The following CCL19 variants were observed in gnomAD, a reference collection of about 807,000 sequenced individuals.
CCL19 encodes the protein C-C motif chemokine ligand 19.
A neutral mutation model predicts 9.7 loss-of-function variants in CCL19; 5 were observed. The observed-to-expected ratio is 0.51, with a 90% confidence interval of 0.27 to 1.08. The LOEUF is 1.08. Among genes scored for constraint, CCL19 ranks in the 50% least tolerant of loss-of-function variants. The pLI is 0.12. For missense variants in CCL19, 90 were observed against 122.5 expected (o/e 0.73, Z 1.25); for synonymous variants, 40 against 47.4 (o/e 0.84, Z 0.64).
Position 34,689,606 on chromosome 9 carries a change from T to A in CCL19, c.*213A>T, listed in dbSNP as rs1177164506. The stretch of plus-strand genomic sequence containing the variant: ...CACCAGGCGGCTTTATTGGTAGCAT[T>A]GCAATCTGGGGGTGGAGCAGCTTTA... On this transcript the variant is annotated 3_prime_UTR_variant, in exon 4 of 4. Coordinates refer to ENST00000311925, the MANE Select transcript of CCL19 (RefSeq NM_006274.3). The surrounding 1 kb of genome is among the most constrained non-coding windows in gnomAD (Gnocchi z 4.1). 2 of 578,352 alleles carry A rather than the reference T, an allele frequency of 3.5e-6. No individual in the cohort carries two copies. Among genetic ancestry groups the A allele is most frequent in the East Asian group, 5.6e-5 (2 of 35,516 alleles). 35.8% of individuals were successfully genotyped at this position (578,352 alleles called of 1,614,324 possible). A position where few individuals can be genotyped will look rare whatever the true frequency, so the allele number is the denominator to read the frequency against.
At position 34,691,110 on chromosome 9, in the gene CCL19, C is replaced by T; in HGVS notation, c.30G>A (p.Leu10=). 6.2e-7 allele frequency: 1 copy of T among 1,612,662 alleles called. No homozygotes were observed. Among genetic ancestry groups the T allele is most frequent in the Non-Finnish European group, 8.5e-7 (1 of 1,179,432 alleles). The part of the protein sequence containing the change: MALLLALSL[L]VLWTSPAPTL... ...CCTTACCTGGGGAAGTCCAGAGAAC[C>T]AGCAGGCTGAGGGCCAGTAGCAGGG... The change falls in exon 1 of 4, where the codon CTG becomes CTA. Residue 10 remains leucine, a synonymous_variant. Coordinates refer to ENST00000311925, the MANE Select transcript of CCL19 (RefSeq NM_006274.3).
At position 34,690,042 on chromosome 9, in the gene CCL19, G is replaced by C. The variant is rs747025347; in HGVS notation, c.183-19C>G. The C allele has an allele frequency of 6.2e-7, 1 of 1,611,548 alleles. No homozygotes were observed. Among genetic ancestry groups the C allele is most frequent in the Middle Eastern group, 1.7e-4 (1 of 5,890 alleles). On this transcript the variant is annotated intron_variant, in intron 2 of 3. Coordinates refer to ENST00000311925, the MANE Select transcript of CCL19 (RefSeq NM_006274.3). The stretch of plus-strand genomic sequence containing the variant: ...GGTGAACCTGGGGTGAGAGGCCGGA[G>C]AGAATGGAGCCCCAGAATCCAGCAT...
At chr9:34,690,145 G>A in intron 2 of CCL19, 65 bp downstream of exon 2, 1 of 1,599,800 alleles carries the variant, frequency 6.3e-7, no homozygotes, top group Non-Finnish European at 8.6e-7. Flanking sequence ...AGGGGAATAA[G>A]AAGGTGGGAG....
chr9:34,690,386 G>T, intron 1 of CCL19, 44 bp from the exon 2 acceptor site: 1 of 1,601,404 alleles, frequency 6.2e-7, no homozygotes, highest in Non-Finnish European at 8.5e-7. Flanking sequence ...GACCCTTGAG[G>T]GTGGCATGGC....
In CCL19 at chr9:34,689,935, C is replaced by CT; in HGVS notation, c.270dup (p.Ala91SerfsTer25). 6.2e-7 allele frequency: 1 copy of CT among 1,614,148 alleles called. No individual in the cohort carries two copies. On this transcript the variant is annotated frameshift_variant, in exon 3 of 4. Transcript: ENST00000311925. LOFTEE classifies it high-confidence loss of function. This position sits in a 1 kb window ranked among gnomAD's most constrained non-coding sequence, Gnocchi z 4.1. The stretch of plus-strand genomic sequence containing the variant: ...CCAGGGAGGGCCAGGCTTGCCTTGG[C>CT]TGAGGTCCTCTGCAGTCTCTGGATG...
chr9:34,689,718 G>A lies in CCL19; in HGVS notation c.*101C>T. On this transcript the variant is annotated 3_prime_UTR_variant, in exon 4 of 4. Coordinates refer to ENST00000311925, the MANE Select transcript of CCL19 (RefSeq NM_006274.3). This position sits in a 1 kb window ranked among gnomAD's most constrained non-coding sequence, Gnocchi z 4.1. ...GGCTGGTCAGGTCTGGTGCAGAGGA[G>A]CTGGAAGCCTGGTCCTTCCTTCTGG... 1 of 1,403,274 alleles carries A rather than the reference G, an allele frequency of 7.1e-7. No individual in the cohort carries two copies. Among genetic ancestry groups the A allele is most frequent in the Non-Finnish European group, 1.0e-6 (1 of 1,000,658 alleles). 86.9% of individuals were successfully genotyped at this position (1,403,274 alleles called of 1,614,324 possible).
intron 2 of CCL19, 77 bp downstream of exon 2, chr9:34,690,133 G>A (rs1821777082): frequency 6.3e-7 from 1 of 1,592,834 alleles, no homozygotes; most frequent in Non-Finnish European, 8.6e-7. Context: ...TTGGCATGGA[G>A]AAGGGGAATA....
intron 1 of CCL19, among the ~76,000 whole-genome samples, 191 bp downstream of exon 1, chr9:34,690,900 A>G (rs1821784930): frequency 6.6e-6 from 1 of 152,210 alleles, no homozygotes; most frequent in South Asian, 2.1e-4. Flanking sequence ...ATTGGGATTC[A>G]GGGGCACAGG....
In CCL19 at chr9:34,689,913, G is replaced by T. The variant is rs895234765; in HGVS notation, c.276+17C>A. 6.2e-7 allele frequency: 1 copy of T among 1,613,918 alleles called. No individual in the cohort carries two copies. Among genetic ancestry groups the T allele is most frequent in the Non-Finnish European group, 8.5e-7 (1 of 1,179,790 alleles). Reference sequence around the variant, plus strand: ...AGCTCAGAGGGAGGAGACAGGGCCAGGGAGGGCCAGGCTTGCCTTGGCTGA... The same window carrying T: ...AGCTCAGAGGGAGGAGACAGGGCCATGGAGGGCCAGGCTTGCCTTGGCTGA... On this transcript the variant is annotated intron_variant, in intron 3 of 3. Transcript: ENST00000311925. The surrounding 1 kb of genome is among the most constrained non-coding windows in gnomAD (Gnocchi z 4.1).
intron 1 of CCL19, 58 bp from the exon 2 acceptor site, chr9:34,690,400 G>A (rs1311825379): frequency 1.9e-6 from 3 of 1,557,730 alleles, no homozygotes; most frequent in Non-Finnish European, 2.6e-6. Flanking sequence ...GCATGGCCAT[G>A]GCCCTAGCTC....
rs1564113010 is a variant in CCL19 at position 34,690,423 on chromosome 9, C to CGT, written c.50-82_50-81insAC. 4.8e-5 allele frequency: 44 copies of CGT among 913,178 alleles called. No individual in the cohort carries two copies. The East Asian group carries it at 5.6e-4, about 12-fold the overall frequency. The allele number at this position is 913,178 out of a possible 1,614,324, so 56.6% of individuals were successfully genotyped here. A position where few individuals can be genotyped will look rare whatever the true frequency, so the allele number is the denominator to read the frequency against. On this transcript the variant is annotated intron_variant, in intron 1 of 3. Coordinates refer to ENST00000311925, the MANE Select transcript of CCL19 (RefSeq NM_006274.3). ...ATGGCCCTAGCTCGGATTGAGGACA[C>CGT]CTGTGTGTGTGTGTGTGTGTGTGTG...
At position 34,691,235 on chromosome 9, in the gene CCL19, C is replaced by A. The variant is rs1207197885; in HGVS notation, c.-96G>T. 2.8e-6 allele frequency: 3 copies of A among 1,088,110 alleles called. No homozygotes were observed. The highest frequency in any genetic ancestry group is 4.1e-6 in the Non-Finnish European group (3 of 732,340). 67.4% of individuals were successfully genotyped at this position (1,088,110 alleles called of 1,614,324 possible). A position where few individuals can be genotyped will look rare whatever the true frequency, so the allele number is the denominator to read the frequency against. ...GTGAGGCTGCAGGGCGACTGGGATGCAGGGGTGAAATGCAAGGTGTGAGTG... is the reference window on the plus strand; with the variant it reads ...GTGAGGCTGCAGGGCGACTGGGATGAAGGGGTGAAATGCAAGGTGTGAGTG... On this transcript the variant is annotated 5_prime_UTR_variant, in exon 1 of 4. Transcript: ENST00000311925.
rs1452540614 is a variant in CCL19, at chr9:34,690,013, G to A, written c.193C>T (p.Leu65=). The A allele has an allele frequency of 6.2e-7, 1 of 1,613,950 alleles. No individual in the cohort carries two copies. Among genetic ancestry groups the A allele is most frequent in the Non-Finnish European group, 8.5e-7 (1 of 1,180,016 alleles). The part of the protein sequence containing the change: ...CRVPAVVFTT[L]RGRQLCAPPD... ...GGTGCACAGAGCTGGCGGCCCCTCA[G>A]TGTGGTGAACCTGGGGTGAGAGGCC... is the stretch of plus-strand genomic sequence containing the variant. The change falls in exon 3 of 4, where the codon CTG becomes TTG. Residue 65 remains leucine, a synonymous_variant. Transcript: ENST00000311925.
At chr9:34,690,395 G>A (rs1452788744) in intron 1 of CCL19, 53 bp from the exon 2 acceptor site, 2 of 1,587,524 alleles carry the variant, frequency 1.3e-6, no homozygotes, top group East Asian at 2.3e-5. Context: ...GGGTGGCATG[G>A]CCATGGCCCT....
chr9:34,690,877 A>T (rs563247394), intron 1 of CCL19, among the ~76,000 whole-genome samples: 21 of 152,278 alleles, frequency 1.4e-4, no homozygotes, highest in African/African-American at 5.1e-4. Context: ...GATGTGCTAA[A>T]AGACACACCC....
rs1182668242 is a variant in CCL19, at chr9:34,691,168, G to C, written c.-29C>G. 1 of 1,609,394 alleles carries C rather than the reference G, an allele frequency of 6.2e-7. No individual in the cohort carries two copies. Among genetic ancestry groups the C allele is most frequent in the African/African-American group, 1.3e-5 (1 of 74,820 alleles). The stretch of plus-strand genomic sequence containing the variant: ...GGGTGAACAGAGGCAGGCCAACGGT[G>C]AATGTGTGAGCGCCAGCTGTCTGGG... On this transcript the variant is annotated 5_prime_UTR_variant, in exon 1 of 4. Transcript: ENST00000311925.
In CCL19 at chr9:34,690,220, G is replaced by A; in HGVS notation, c.172C>T (p.Pro58Ser). ...YLLIKDGCRVPAVVFTTLRGR... is the reference protein window; with the variant it reads ...YLLIKDGCRVSAVVFTTLRGR... Reference sequence around the variant, plus strand: ...CTCCCCACAACTCACACTACAGCAGGCACCCTGCAGCCATCCTTGATGAGA... The same window carrying A: ...CTCCCCACAACTCACACTACAGCAGACACCCTGCAGCCATCCTTGATGAGA... The change falls in exon 2 of 4, where the codon CCT (proline) becomes TCT (serine). Residue 58 changes from proline (P) to serine (S), a missense_variant. Transcript: ENST00000311925. 1.9e-6 allele frequency: 3 copies of A among 1,614,166 alleles called. No homozygotes were observed. Among genetic ancestry groups the A allele is most frequent in the Non-Finnish European group, 1.7e-6 (2 of 1,180,022 alleles).
intron 1 of CCL19, 126 bp from the exon 2 acceptor site, chr9:34,690,468 G>GTGTA: frequency 1.1e-6 from 1 of 881,380 alleles, no homozygotes; most frequent in East Asian, 2.7e-5. Context: ...GTGTGTGTGT[G>GTGTA]TCTGGTGGGG....
chr9:34,690,424 C>CTGTGTGTG lies in CCL19; in HGVS notation c.50-90_50-83dup, dbSNP rs74180568. ...TGGCCCTAGCTCGGATTGAGGACACCTGTGTGTGTGTGTGTGTGTGTGTGT... is the reference window on the plus strand; with the variant it reads ...TGGCCCTAGCTCGGATTGAGGACACCTGTGTGTGTGTGTGTGTGTGTGTGTGTGTGTGT... On this transcript the variant is annotated intron_variant, in intron 1 of 3. Transcript: ENST00000311925. The CTGTGTGTG allele has an allele frequency of 7.6e-3, 4,587 of 607,426 alleles. 29 individuals carry two copies. Among genetic ancestry groups the CTGTGTGTG allele is most frequent in the East Asian group, 0.013 (410 of 30,402 alleles). 37.6% of individuals were successfully genotyped at this position (607,426 alleles called of 1,614,324 possible). A position where few individuals can be genotyped will look rare whatever the true frequency, so the allele number is the denominator to read the frequency against.
Sources: gnomAD v4.1 joint callset for allele counts (sites outside exome capture counted in the v4.1 genomes callset) on GRCh38, gnomAD v4.1.1 for gene constraint, Gnocchi (gnomAD v3.1) non-coding constraint, MANE v1.5 for transcripts, NCBI Gene and HGNC (gene_info 2026-07-23, HGNC 2026-07-21) for gene names.